The following TANC2 variants were observed in gnomAD, a reference collection of about 807,000 sequenced individuals.
TANC2 encodes protein TANC2.
TANC2 carries 26 observed loss-of-function variants against 210.5 expected under a neutral mutation model. That is an observed-to-expected ratio of 0.12 (90% CI 0.09 to 0.17). The LOEUF (loss-of-function observed/expected upper bound fraction) is 0.17. TANC2 is among the 10% of genes least tolerant of loss of function. TANC2 has a pLI of 1.00. For missense variants in TANC2, 2,129 were observed against 2,608.9 expected (o/e 0.82, Z 4.01); for synonymous variants, 931 against 967.1 (o/e 0.96, Z 0.69).
At chr17:63,243,221 C>A (rs774064375) in intron 8 of TANC2, among the ~76,000 whole-genome samples, 1 of 152,136 alleles carries the variant, frequency 6.6e-6, no homozygotes, top group Non-Finnish European at 1.5e-5. Context: ...GGAAATGCTG[C>A]AATTGAAATT....
At chr17:62,983,131 G>C (rs1330661498) in intron 1 of TANC2, among the ~76,000 whole-genome samples, 1 of 152,032 alleles carries the variant, frequency 6.6e-6, no homozygotes, top group African/African-American at 2.4e-5. Flanking sequence ...TTGTTCATCA[G>C]TATTTCGTAG....
intron 5 of TANC2, among the ~76,000 whole-genome samples, chr17:63,160,131 T>C (rs2039976045): frequency 6.6e-6 from 1 of 152,240 alleles, no homozygotes; most frequent in African/African-American, 2.4e-5. Context: ...TGCACACTTA[T>C]AACCTCATTT....
chr17:63,309,388 GT>G (rs1598824754), intron 9 of TANC2, among the ~76,000 whole-genome samples: 1 of 151,956 alleles, frequency 6.6e-6, no homozygotes, highest in East Asian at 1.9e-4. Flanking sequence ...CCAAAAAACC[GT>G]ATTTTTTTCT....
At chr17:63,356,280 A>G (rs2046780384) in intron 14 of TANC2, among the ~76,000 whole-genome samples, 1 of 152,154 alleles carries the variant, frequency 6.6e-6, no homozygotes, top group Admixed American at 6.5e-5. Context: ...TAACATTTTT[A>G]AAGACGTATT....
chr17:63,195,262 A>G (rs1313333112), intron 6 of TANC2, among the ~76,000 whole-genome samples: 1 of 151,980 alleles, frequency 6.6e-6, no homozygotes, highest in Non-Finnish European at 1.5e-5. Context: ...CCCACATTAT[A>G]TTTTCTACCT....
chr17:63,058,077 G>A lies in TANC2; in HGVS notation c.68-15866G>A, dbSNP rs551595945. On this transcript the variant is annotated intron_variant, in intron 2 of 27. Transcript: ENST00000689528. ...AGTGTATAAGCATTACCTTTTCTCCGCAATTTGCCAGTATCTATCATTTTT... is the reference window on the plus strand; with the variant it reads ...AGTGTATAAGCATTACCTTTTCTCCACAATTTGCCAGTATCTATCATTTTT... Among the ~76,000 whole-genome samples the A allele has an allele frequency of 2.6e-4, 40 of 152,192 alleles. 1 individual carries two copies. The South Asian group carries it at 7.1e-3, about 27-fold the overall frequency.
intron 1 of TANC2, among the ~76,000 whole-genome samples, chr17:62,977,971 G>A (rs1188611543): frequency 6.6e-6 from 1 of 151,988 alleles, no homozygotes. Context: ...TTAGTAACAT[G>A]TATTACTCAT....
chr17:63,025,513 G>T (rs1411085707), intron 2 of TANC2, among the ~76,000 whole-genome samples: 1 of 151,946 alleles, frequency 6.6e-6, no homozygotes, highest in Admixed American at 6.6e-5. Context: ...AAGAGATCAC[G>T]GGGCAGGCAT....
At chr17:63,202,597 A>G (rs887227237) in intron 7 of TANC2, among the ~76,000 whole-genome samples, 2 of 152,158 alleles carry the variant, frequency 1.3e-5, no homozygotes, top group African/African-American at 4.8e-5. Flanking sequence ...TCCATCATCT[A>G]TGATATTGCA....
intron 3 of TANC2, among the ~76,000 whole-genome samples, chr17:63,093,274 A>G (rs1200189692): frequency 6.6e-6 from 1 of 151,804 alleles, no homozygotes; most frequent in East Asian, 1.9e-4. Context: ...GTCTGTGACT[A>G]ATTTCTCTTT....
At chr17:63,099,464 GC>G in intron 4 of TANC2, 107 bp downstream of exon 4, 1 of 761,522 alleles carries the variant, frequency 1.3e-6, no homozygotes, top group Non-Finnish European at 1.9e-6. Flanking sequence ...TTCCTCTCTG[GC>G]CTTCCTAATG....
At chr17:62,987,445 C>T (rs1047493119) in intron 1 of TANC2, among the ~76,000 whole-genome samples, 2 of 152,112 alleles carry the variant, frequency 1.3e-5, no homozygotes, top group Admixed American at 1.3e-4. Flanking sequence ...ACCTTGTGCT[C>T]CTAATCTAGG....
exon 3 of TANC2, chr17:63,073,997 A>G: frequency 6.3e-7 from 1 of 1,584,372 alleles, no homozygotes; most frequent in Non-Finnish European, 8.6e-7. Context: ...GACTCTCGCC[A>G]AAGCCGCTCT....
rs1332669680 is a variant in TANC2 at position 62,990,425 on chromosome 17, T to C, written c.-23-19112T>C. ...CCAAGTAACTGGGACTGCAGGCATG[T>C]ACCATCATTGCTGGCTAATGTTTTT... On this transcript the variant is annotated intron_variant, in intron 1 of 27. Transcript: ENST00000689528. Among the ~76,000 whole-genome samples, 5 of 151,984 alleles carry C rather than the reference T, an allele frequency of 3.3e-5. No individual in the cohort carries two copies. The East Asian group carries it at 9.7e-4, about 30-fold the overall frequency.
chr17:63,399,269 A>G (rs566653001), intron 19 of TANC2: 7 of 157,230 alleles, frequency 4.5e-5, no homozygotes, highest in African/African-American at 1.4e-4. Flanking sequence ...TTAGGAATAA[A>G]TATTTCTCCC....
intron 5 of TANC2, among the ~76,000 whole-genome samples, chr17:63,172,739 G>A (rs987826035): frequency 3.9e-5 from 6 of 152,100 alleles, no homozygotes; most frequent in African/African-American, 1.4e-4. Context: ...AAGAAACTTA[G>A]TATGTTATAA....
chr17:63,009,638 T>C lies in TANC2; in HGVS notation c.67+12T>C. ...AAACAGGTCAAGTGGTAAGTGACTA[T>C]GCTACATTTATTGTGCGTGATATTT... On this transcript the variant is annotated intron_variant, in intron 2 of 27. Coordinates refer to ENST00000689528, the Ensembl canonical transcript of TANC2. 1 of 1,610,554 alleles carries C rather than the reference T, an allele frequency of 6.2e-7. No homozygotes were observed. Among genetic ancestry groups the C allele is most frequent in the Non-Finnish European group, 8.5e-7 (1 of 1,177,190 alleles).
At chr17:62,988,295 C>CA (rs1298402282) in intron 1 of TANC2, among the ~76,000 whole-genome samples, 1 of 111,738 alleles carries the variant, frequency 8.9e-6, no homozygotes, top group South Asian at 3.0e-4. Context: ...ACCTGGCTAA[C>CA]TTTTTTTTTT....
In TANC2 at chr17:63,412,564, T is replaced by C. The variant is rs952237518; in HGVS notation, c.3899-116T>C. On this transcript the variant is annotated intron_variant, in intron 23 of 27. Transcript: ENST00000689528. The surrounding 1 kb of genome is among the most constrained non-coding windows in gnomAD (Gnocchi z 4.2). ...ACCTATAGACGAGGGTTGGCTGATA[T>C]GCTGGCTTTGTGCTGCCTGCCTCTC... 86 of 990,670 alleles carry C rather than the reference T, an allele frequency of 8.7e-5. No homozygotes were observed. In the Admixed American group the frequency reaches 9.3e-4, roughly 11 times the overall value. 61.4% of individuals were successfully genotyped at this position (990,670 alleles called of 1,614,324 possible).
Sources: gnomAD v4.1 joint callset for allele counts (sites outside exome capture counted in the v4.1 genomes callset) on GRCh38, gnomAD v4.1.1 for gene constraint, Gnocchi (gnomAD v3.1) non-coding constraint, MANE v1.5 for transcripts, NCBI Gene and HGNC (gene_info 2026-07-23, HGNC 2026-07-21) for gene names.